TTC27: variants seen among roughly 807,000 people sequenced by gnomAD.
TTC27 encodes tetratricopeptide repeat protein 27.
In TTC27, 79 loss-of-function variants were observed where a neutral mutation model predicts 115.9. The ratio of observed to expected loss-of-function variants is 0.68; its 90% CI spans 0.57 to 0.82. The LOEUF is 0.82. TTC27 is among the 40% of genes least tolerant of loss of function. The pLI is 0.00. For missense variants in TTC27, 1,054 were observed against 993.1 expected, an observed-to-expected ratio of 1.06 and a Z score of -0.82; for synonymous variants, 401 against 356.0, an observed-to-expected ratio of 1.13 and a Z score of -1.42.
chr2:32,780,022 A>T (rs1399763857), intron 14 of TTC27: 1 of 435,180 alleles, frequency 2.3e-6, no homozygotes, highest in Non-Finnish European at 4.9e-6. Context: ...ATCACATTTC[A>T]TTGACTGTAT....
At chr2:32,787,232 G>A in intron 16 of TTC27, 83 bp downstream of exon 16, 3 of 1,466,636 alleles carry the variant, frequency 2.0e-6, no homozygotes, top group Non-Finnish European at 2.7e-6. Flanking sequence ...CCTTGAATAT[G>A]CACAGGAAAA....
intron 13 of TTC27, 114 bp from the exon 14 acceptor site, chr2:32,777,768 T>C: frequency 1.1e-6 from 1 of 902,950 alleles, no homozygotes; most frequent in Non-Finnish European, 1.7e-6. Context: ...ATTTATTATA[T>C]AGCTCTGCAT....
intron 5 of TTC27, among the ~76,000 whole-genome samples, chr2:32,662,578 G>C (rs1168170560): frequency 6.6e-6 from 1 of 152,146 alleles, no homozygotes; most frequent in South Asian, 2.1e-4. Flanking sequence ...AGTATTCTCT[G>C]ATGGTAGTTT....
intron 9 of TTC27, among the ~76,000 whole-genome samples, chr2:32,701,900 A>G (rs1292877036): frequency 1.3e-5 from 2 of 151,856 alleles, no homozygotes; most frequent in African/African-American, 4.8e-5. Context: ...CGTCCAAGCT[A>G]CTCGGGTAGC....
At chr2:32,703,906 T>C (rs1403698972) in intron 10 of TTC27, among the ~76,000 whole-genome samples, 1 of 152,208 alleles carries the variant, frequency 6.6e-6, no homozygotes, top group Non-Finnish European at 1.5e-5. Flanking sequence ...GGCTGGAAAG[T>C]CTAAGATCAA....
chr2:32,685,349 CT>C (rs2151892336), intron 9 of TTC27, among the ~76,000 whole-genome samples: 1 of 152,154 alleles, frequency 6.6e-6, no homozygotes, highest in South Asian at 2.1e-4. Flanking sequence ...GTTAAGTTAT[CT>C]TGCAAATTAG....
chr2:32,703,359 C>T (rs1288064831), intron 10 of TTC27, among the ~76,000 whole-genome samples: 3 of 151,986 alleles, frequency 2.0e-5, no homozygotes, highest in Non-Finnish European at 4.4e-5. Flanking sequence ...CCCAGCCACT[C>T]GGGAGGCTGA....
intron 16 of TTC27, among the ~76,000 whole-genome samples, chr2:32,795,714 G>T (rs112763613): frequency 2.3e-5 from 2 of 87,790 alleles, no homozygotes; most frequent in African/African-American, 9.4e-5. Flanking sequence ...CACCATGCCC[G>T]GCTAATTTTT....
intron 9 of TTC27, among the ~76,000 whole-genome samples, chr2:32,692,271 A>G (rs1355348727): frequency 6.6e-6 from 1 of 152,032 alleles, no homozygotes; most frequent in Non-Finnish European, 1.5e-5. Flanking sequence ...TAACTTAGTG[A>G]GCTGATATTT....
chr2:32,628,568 C>T (rs2063530408), intron 1 of TTC27, among the ~76,000 whole-genome samples, 188 bp downstream of exon 1: 1 of 152,060 alleles, frequency 6.6e-6, no homozygotes. Flanking sequence ...AAACTTCTTA[C>T]CGCCCAGGTT....
intron 19 of TTC27, among the ~76,000 whole-genome samples, 192 bp downstream of exon 19, chr2:32,817,749 G>A (rs1671555128): frequency 6.6e-6 from 1 of 152,184 alleles, no homozygotes; most frequent in Admixed American, 6.5e-5. Context: ...CTCTAAATGT[G>A]TATGACTTAA....
At chr2:32,669,960 T>G (rs950721714) in intron 7 of TTC27, among the ~76,000 whole-genome samples, 4 of 152,000 alleles carry the variant, frequency 2.6e-5, no homozygotes, top group African/African-American at 9.7e-5. Flanking sequence ...ATTTTTTATT[T>G]TTTTTGAGAT....
chr2:32,637,216 T>C (rs1469452137), intron 3 of TTC27, among the ~76,000 whole-genome samples: 19 of 152,370 alleles, frequency 1.2e-4, no homozygotes, highest in Admixed American at 1.1e-3. Context: ...GTTAAATTAC[T>C]TGTTTGTTCT....
At chr2:32,651,643 C>A (rs753827349) in intron 5 of TTC27, among the ~76,000 whole-genome samples, 1 of 152,132 alleles carries the variant, frequency 6.6e-6, no homozygotes, top group Non-Finnish European at 1.5e-5. Context: ...CTGCGCCCGG[C>A]GTCCTTCAAG....
chr2:32,650,353 C>CTTTTTTTTTTTTTTT (rs368973893), intron 5 of TTC27, 120 bp downstream of exon 5: 10 of 212,502 alleles, frequency 4.7e-5, no homozygotes, highest in South Asian at 1.2e-4. Context: ...TGAGTTGTTT[C>CTTTTTTTTTTTTTTT]TTTTTTTTTT....
chr2:32,729,042 G>A lies in TTC27; in HGVS notation c.1234-4786G>A, dbSNP rs114449829. ...ACACGTACAAAGATTGCACAGCAAA[G>A]CCAGCATAAAGTGATATGGCATATG... On this transcript the variant is annotated intron_variant, in intron 10 of 19. Transcript: ENST00000317907. Among the ~76,000 whole-genome samples the A allele has an allele frequency of 9.1e-3, 1,380 of 152,098 alleles. 12 individuals carry two copies. The highest frequency in any genetic ancestry group is 0.024 in the Middle Eastern group (7 of 294).
At chr2:32,792,508 G>A (rs201386108) in intron 16 of TTC27, among the ~76,000 whole-genome samples, 1 of 149,364 alleles carries the variant, frequency 6.7e-6, no homozygotes, top group South Asian at 2.1e-4. Flanking sequence ...GTTTTTTTTT[G>A]AAGGACTGAA....
chr2:32,717,898 C>G (rs1667804916), intron 10 of TTC27, among the ~76,000 whole-genome samples: 1 of 152,102 alleles, frequency 6.6e-6, no homozygotes, highest in African/African-American at 2.4e-5. Flanking sequence ...TTTCCGATCC[C>G]AGCGCTACCA....
rs1559213369 is a variant in TTC27 at position 32,702,888 on chromosome 2, C to CA, written c.1201_1202insA (p.Arg401GlnfsTer18). 1 of 1,613,974 alleles carries CA rather than the reference C, an allele frequency of 6.2e-7. No individual in the cohort carries two copies. The highest frequency in any genetic ancestry group is 2.2e-5 in the East Asian group (1 of 44,868). ...GACAAAACTTGAGAAAGGAAGTACT[C>CA]GCCGAGTGGAACGGGCAATGAGGCA... On this transcript the variant is annotated frameshift_variant, in exon 10 of 20. Coordinates refer to ENST00000317907, the MANE Select transcript of TTC27 (RefSeq NM_017735.5). LOFTEE classifies it high-confidence loss of function.
Sources: gnomAD v4.1 joint callset for allele counts (sites outside exome capture counted in the v4.1 genomes callset) on GRCh38, gnomAD v4.1.1 for gene constraint, MANE v1.5 for transcripts, NCBI Gene and HGNC (gene_info 2026-07-23, HGNC 2026-07-21) for gene names.